ACCSL: variants seen among roughly 807,000 people sequenced by gnomAD.
The protein encoded by ACCSL is 1-aminocyclopropane-1-carboxylate synthase homolog (inactive) like.
Under a neutral mutation model 61.7 loss-of-function variants are expected in ACCSL, and 55 were observed. The observed-to-expected ratio is 0.89, with a 90% CI of 0.72 to 1.12. ACCSL has a LOEUF of 1.12. Among genes scored for constraint, ACCSL ranks in the 50% most tolerant of loss-of-function variants. ACCSL has a pLI of 0.00. For missense variants in ACCSL, 632 were observed against 698.0 expected, an observed-to-expected ratio of 0.91 and a Z score of 1.07; for synonymous variants, 258 against 264.3, an observed-to-expected ratio of 0.98 and a Z score of 0.23.
At chr11:44,023,626 T>TG in the ACCSL span, among the ~76,000 whole-genome samples, 175 of 124,616 alleles carry the variant, frequency 1.4e-3, 2 homozygotes, top group African/African-American at 5.4e-3. Flanking sequence ...TGATTTTATC[T>TG]GTTTTTTTTT....
chr11:44,055,156 T>A (rs1198734165), intron 8 of ACCSL, 46 bp from the exon 9 acceptor site: 1 of 1,343,734 alleles, frequency 7.4e-7, no homozygotes, highest in East Asian at 2.3e-5. Flanking sequence ...GAAAAAAGAT[T>A]AGAGAGAAGC....
In ACCSL at chr11:44,052,790, T is replaced by A. The variant is rs767834149; in HGVS notation, c.870+31T>A. The A allele has an allele frequency of 3.1e-6, 5 of 1,589,632 alleles. No individual in the cohort carries two copies. In the Admixed American group the frequency reaches 5.0e-5, roughly 16 times the overall value. ...AATGGGGCCCCTTCCCTGCTCAGTATGCCTAGACAATGGACTGTTCTGGGG... is the reference window on the plus strand; with the variant it reads ...AATGGGGCCCCTTCCCTGCTCAGTAAGCCTAGACAATGGACTGTTCTGGGG... On this transcript the variant is annotated intron_variant, in intron 6 of 13. Coordinates refer to ENST00000378832, the MANE Select transcript of ACCSL (RefSeq NM_001031854.2).
At chr11:44,008,371 G>A in the ACCSL span, among the ~76,000 whole-genome samples, 1 of 152,330 alleles carries the variant, frequency 6.6e-6, no homozygotes, top group Non-Finnish European at 1.5e-5. Context: ...CTGGTGCCTG[G>A]ACTGCAGGAG....
At chr11:43,998,764 ATTT>A in the ACCSL span, among the ~76,000 whole-genome samples, 184 of 141,204 alleles carry the variant, frequency 1.3e-3, 2 homozygotes, top group African/African-American at 4.7e-3. Context: ...GTCACATGGC[ATTT>A]TTTTTTTTTT....
At chr11:43,954,269 G>A in the ACCSL span, among the ~76,000 whole-genome samples, 30 of 152,252 alleles carry the variant, frequency 2.0e-4, no homozygotes, top group East Asian at 5.0e-3. Flanking sequence ...GTTGTCTCAC[G>A]CCGAGGAAAT....
chr11:43,949,104 C>G, the ACCSL span, among the ~76,000 whole-genome samples: 15 of 152,226 alleles, frequency 9.9e-5, no homozygotes, highest in African/African-American at 3.4e-4. Context: ...GTCTTCCCAG[C>G]TCCTTCTGTG....
chr11:43,981,027 T>G, the ACCSL span, among the ~76,000 whole-genome samples: 1 of 152,158 alleles, frequency 6.6e-6, no homozygotes, highest in Admixed American at 6.5e-5. Context: ...AAAGAAGGAT[T>G]TGAATGCAGT....
chr11:43,965,623 A>T, the ACCSL span, among the ~76,000 whole-genome samples: 3 of 152,200 alleles, frequency 2.0e-5, no homozygotes, highest in Non-Finnish European at 4.4e-5. Flanking sequence ...CCTATAATTC[A>T]TGTAGAATTG....
At chr11:44,043,671 CA>C (rs564064128), upstream of ACCSL, among the ~76,000 whole-genome samples, 45 of 152,054 alleles carry the variant, frequency 3.0e-4, no homozygotes, top group Non-Finnish European at 5.6e-4. Context: ...TTTGGGACTC[CA>C]AAAAAATACA....
chr11:43,933,269 C>T, the ACCSL span: 1 of 430,656 alleles, frequency 2.3e-6, no homozygotes, highest in Admixed American at 2.5e-5. Flanking sequence ...TGGTGGATGT[C>T]CCTGGACCTC....
chr11:44,012,567 G>C, the ACCSL span, among the ~76,000 whole-genome samples: 1 of 152,274 alleles, frequency 6.6e-6, no homozygotes. Flanking sequence ...GATTATAGGT[G>C]TGAGCCACTG....
chr11:44,045,355 G>A (rs1234794282), upstream of ACCSL, among the ~76,000 whole-genome samples: 3 of 152,102 alleles, frequency 2.0e-5, no homozygotes, highest in Non-Finnish European at 2.9e-5. Flanking sequence ...TGGAAGGAAC[G>A]CTGGAGCCCA....
the ACCSL span, among the ~76,000 whole-genome samples, chr11:44,022,906 C>A: frequency 6.6e-6 from 1 of 151,968 alleles, no homozygotes; most frequent in African/African-American, 2.4e-5. Context: ...TGTGTTGATT[C>A]TTCTTTAAAT....
chr11:44,057,580 T>C (rs1355679243), intron 11 of ACCSL, among the ~76,000 whole-genome samples: 1 of 152,182 alleles, frequency 6.6e-6, no homozygotes, highest in African/African-American at 2.4e-5. Flanking sequence ...AGTGGTTCTG[T>C]TCTATGAATG....
the ACCSL span, among the ~76,000 whole-genome samples, chr11:44,020,375 T>C: frequency 0.31 from 47,028 of 152,104 alleles, 7,524 homozygotes; most frequent in East Asian, 0.4. Context: ...TGAATAGAAA[T>C]GGTGAGAGCA....
At chr11:43,962,856 T>G in the ACCSL span, among the ~76,000 whole-genome samples, 1 of 152,224 alleles carries the variant, frequency 6.6e-6, no homozygotes, top group Non-Finnish European at 1.5e-5. Flanking sequence ...CGTCACCAGA[T>G]AGCCCTCAAG....
the ACCSL span, among the ~76,000 whole-genome samples, chr11:44,003,886 G>T: frequency 3.9e-5 from 6 of 152,248 alleles, no homozygotes; most frequent in South Asian, 1.2e-3. Flanking sequence ...AGGGATAGGG[G>T]GTACCTCACT....
chr11:43,938,864 C>T, the ACCSL span, among the ~76,000 whole-genome samples: 1 of 152,146 alleles, frequency 6.6e-6, no homozygotes, highest in Non-Finnish European at 1.5e-5. Flanking sequence ...AAATAACAGA[C>T]TTAGATGTAA....
the ACCSL span, among the ~76,000 whole-genome samples, chr11:44,016,453 C>T: frequency 6.6e-6 from 1 of 152,180 alleles, no homozygotes; most frequent in Admixed American, 6.5e-5. Context: ...TAGACTACAA[C>T]AGGATTGGAA....
Sources: gnomAD v4.1 joint callset for allele counts (sites outside exome capture counted in the v4.1 genomes callset) on GRCh38, gnomAD v4.1.1 for gene constraint, MANE v1.5 for transcripts, NCBI Gene and HGNC (gene_info 2026-07-23, HGNC 2026-07-21) for gene names.